NTM: variants seen among roughly 807,000 people sequenced by gnomAD.
NTM encodes neurotrimin.
Under a neutral mutation model 42.1 loss-of-function variants are expected in NTM, and 13 were observed. The observed-to-expected ratio is 0.31, with a 90% confidence interval of 0.20 to 0.49. The LOEUF (loss-of-function observed/expected upper bound fraction) is 0.49. NTM is among the 20% of genes least tolerant of loss of function. NTM has a pLI of 0.99. For synonymous variants in NTM, 187 were observed against 179.2 expected (o/e 1.04, Z -0.35); for missense variants, 373 against 452.8 (o/e 0.82, Z 1.60).
chr11:132,103,316 G>A (rs1381022040), intron 2 of NTM, among the ~76,000 whole-genome samples: 1 of 152,226 alleles, frequency 6.6e-6, no homozygotes, highest in Non-Finnish European at 1.5e-5. Context: ...CAGAAGGAAT[G>A]TGATTCTTAG....
intron 1 of NTM, among the ~76,000 whole-genome samples, chr11:131,880,497 T>C (rs534690336): frequency 4.9e-4 from 75 of 152,334 alleles, no homozygotes; most frequent in African/African-American, 1.7e-3. Flanking sequence ...AGAGAAAGTT[T>C]AAGCTGGGGA....
intron 5 of NTM, among the ~76,000 whole-genome samples, chr11:132,308,482 C>G (rs780920990): frequency 8.5e-5 from 13 of 152,114 alleles, no homozygotes; most frequent in Non-Finnish European, 1.6e-4. Flanking sequence ...GAATTTGCTA[C>G]CTCCTTTCAC....
chr11:131,942,711 C>T (rs542395119), intron 2 of NTM, among the ~76,000 whole-genome samples: 6 of 152,046 alleles, frequency 3.9e-5, no homozygotes, highest in South Asian at 2.1e-4. Context: ...TTTGGGAGGC[C>T]GAGGTGGATG....
At chr11:131,760,748 G>A (rs983659351) in intron 1 of NTM, among the ~76,000 whole-genome samples, 8 of 152,210 alleles carry the variant, frequency 5.3e-5, no homozygotes, top group Non-Finnish European at 1.5e-5. Context: ...GGCCTTTGAA[G>A]TGAGACGAGG....
At chr11:132,290,417 G>A (rs190405800) in intron 4 of NTM, among the ~76,000 whole-genome samples, 111 of 152,190 alleles carry the variant, frequency 7.3e-4, no homozygotes, top group African/African-American at 1.6e-3. Flanking sequence ...GTTTGTCATG[G>A]GTTATTAAAG....
chr11:131,950,577 G>A (rs1044610870), intron 2 of NTM, among the ~76,000 whole-genome samples: 1 of 152,178 alleles, frequency 6.6e-6, no homozygotes, highest in South Asian at 2.1e-4. Flanking sequence ...AACAGAGTCT[G>A]GTCAAATCTT....
At chr11:131,500,577 ATTTT>A (rs71475759) in intron 1 of NTM, among the ~76,000 whole-genome samples, 32,259 of 75,510 alleles carry the variant, frequency 0.43, 4,815 homozygotes, top group East Asian at 0.52. Context: ...ATATATATAT[ATTTT>A]TTTTTTTTTT....
chr11:131,564,713 G>T (rs2056665734), intron 1 of NTM, among the ~76,000 whole-genome samples: 1 of 151,834 alleles, frequency 6.6e-6, no homozygotes, highest in Admixed American at 6.6e-5. Flanking sequence ...ATTTCTTATG[G>T]CAAGAGCACG....
At chr11:131,425,422 A>T (rs1948033341) in intron 1 of NTM, among the ~76,000 whole-genome samples, 1 of 152,210 alleles carries the variant, frequency 6.6e-6, no homozygotes, top group East Asian at 1.9e-4. Context: ...CAAAGACACT[A>T]AAGCAAATAA....
intron 4 of NTM, among the ~76,000 whole-genome samples, chr11:132,271,668 T>C (rs1420284863): frequency 1.3e-5 from 2 of 152,104 alleles, no homozygotes; most frequent in African/African-American, 2.4e-5. Context: ...GTTTTTGATG[T>C]TCTTATTGGC....
chr11:132,001,740 G>A (rs59634875), intron 2 of NTM, among the ~76,000 whole-genome samples: 13,905 of 151,540 alleles, frequency 0.092, 2,172 homozygotes, highest in African/African-American at 0.32. Context: ...GCAGGGACAT[G>A]TATTCAAACT....
chr11:131,977,784 C>A (rs776120057), intron 2 of NTM, among the ~76,000 whole-genome samples: 5 of 148,382 alleles, frequency 3.4e-5, no homozygotes, highest in African/African-American at 1.2e-4. Flanking sequence ...GTGAGTTTCT[C>A]GAAGAAAAGG....
chr11:131,645,134 CA>C (rs2134267581), intron 1 of NTM, among the ~76,000 whole-genome samples: 1 of 152,246 alleles, frequency 6.6e-6, no homozygotes, highest in Non-Finnish European at 1.5e-5. Flanking sequence ...ACAATAATCA[CA>C]TGAGGTCAAT....
At chr11:132,086,891 TGAGGGGA>T (rs1304668890) in intron 2 of NTM, among the ~76,000 whole-genome samples, 1 of 152,132 alleles carries the variant, frequency 6.6e-6, no homozygotes, top group African/African-American at 2.4e-5. Flanking sequence ...AGGATGCATC[TGAGGGGA>T]GTGTCCTATA....
chr11:131,605,650 G>C, intron 1 of NTM: 1 of 220,222 alleles, frequency 4.5e-6, no homozygotes, highest in Non-Finnish European at 7.7e-6. Flanking sequence ...TCTCTCCCCA[G>C]TAAGTATGAT....
chr11:131,615,219 T>G (rs1258612090), intron 1 of NTM, among the ~76,000 whole-genome samples: 1 of 152,200 alleles, frequency 6.6e-6, no homozygotes, highest in Non-Finnish European at 1.5e-5. Flanking sequence ...GGGACTACAG[T>G]CCAGTTACTG....
intron 2 of NTM, among the ~76,000 whole-genome samples, chr11:131,945,075 T>C (rs535094591): frequency 1.6e-4 from 25 of 152,312 alleles, no homozygotes; most frequent in African/African-American, 5.8e-4. Context: ...TTTTCCCCTT[T>C]CACCAAGCAC....
At chr11:132,232,242 A>G (rs1438619406) in intron 4 of NTM, among the ~76,000 whole-genome samples, 1 of 152,196 alleles carries the variant, frequency 6.6e-6, no homozygotes, top group Non-Finnish European at 1.5e-5. Context: ...AAGCGCTCAG[A>G]GGGGCGAGTG....
chr11:131,894,704 G>A (rs12790375), intron 1 of NTM, among the ~76,000 whole-genome samples: 13,753 of 152,126 alleles, frequency 0.09, 666 homozygotes, highest in East Asian at 0.12. Context: ...GCAGCAGCCC[G>A]GGCTCCTCCC....
Sources: allele counts gnomAD v4.1 joint callset (sites outside exome capture counted in the v4.1 genomes callset), GRCh38; gene constraint gnomAD v4.1.1; transcripts MANE v1.5; gene names NCBI Gene and HGNC (gene_info 2026-07-23, HGNC 2026-07-21).